The following ZNF609 variants were observed in gnomAD, a reference collection of about 807,000 sequenced individuals.
ZNF609 encodes the protein zinc finger protein 609.
In ZNF609, 11 loss-of-function variants were observed where a neutral mutation model predicts 109.5. The observed-to-expected ratio is 0.10, with a 90% confidence interval of 0.06 to 0.17. ZNF609 has a LOEUF of 0.17. Ranked by LOEUF, ZNF609 falls within the 10% of genes least tolerant of loss-of-function variation. The pLI, the probability that ZNF609 is intolerant of heterozygous loss-of-function variation, is 1.00. For synonymous variants in ZNF609, 646 were observed against 662.0 expected (o/e 0.98, Z 0.37); for missense variants, 1,559 against 1,772.4 (o/e 0.88, Z 2.16).
intron 2 of ZNF609, among the ~76,000 whole-genome samples, chr15:64,556,787 G>C (rs1388078843): frequency 2.0e-5 from 3 of 151,922 alleles, no homozygotes; most frequent in East Asian, 3.9e-4. Context: ...CATTACCTAG[G>C]TTTATTGAGT....
Position 64,499,661 on chromosome 15 carries a change from C to G in ZNF609, c.242C>G (p.Pro81Arg). ...AAGTTTGTGACCCCAGTGCCAGGTC[C>G]TCAAGGGAAGGAAGGCAAATCAAAA... ...NIKFVTPVPG[P>R]QGKEGKSKSK... The change falls in exon 2 of 10, where the codon CCT (proline) becomes CGT (arginine). Residue 81 changes from proline to arginine, a missense_variant. Pro to Arg is a moderately radical substitution (Grantham distance 103). Transcript: ENST00000326648. 6.2e-7 allele frequency: 1 copy of G among 1,614,126 alleles called. No individual in the cohort carries two copies. The highest frequency in any genetic ancestry group is 2.2e-5 in the East Asian group (1 of 44,878).
chr15:64,596,314 C>T (rs546399277), intron 2 of ZNF609, among the ~76,000 whole-genome samples: 32 of 152,126 alleles, frequency 2.1e-4, no homozygotes, highest in African/African-American at 6.7e-4. Flanking sequence ...CCACCATGCC[C>T]GGCTAATTTT....
chr15:64,467,799 C>T (rs781185194), intron 1 of ZNF609, among the ~76,000 whole-genome samples: 14 of 152,116 alleles, frequency 9.2e-5, no homozygotes, highest in Non-Finnish European at 1.9e-4. Context: ...GAGTGGAGAT[C>T]GTGCCACTGC....
At chr15:64,589,867 GA>G (rs1247596541) in intron 2 of ZNF609, among the ~76,000 whole-genome samples, 1 of 152,162 alleles carries the variant, frequency 6.6e-6, no homozygotes, top group Non-Finnish European at 1.5e-5. Context: ...GATTTGGCAG[GA>G]AAAACTCGAT....
chr15:64,483,352 C>G (rs1428177964), intron 1 of ZNF609, among the ~76,000 whole-genome samples: 1 of 152,114 alleles, frequency 6.6e-6, no homozygotes, highest in Non-Finnish European at 1.5e-5. Context: ...CCTCAGCCTC[C>G]CAAAGTGCTG....
At chr15:64,596,550 T>C (rs1301853509) in intron 2 of ZNF609, among the ~76,000 whole-genome samples, 1 of 152,178 alleles carries the variant, frequency 6.6e-6, no homozygotes, top group Non-Finnish European at 1.5e-5. Context: ...CTTCTCATCT[T>C]TTGGGCCTCA....
At chr15:64,574,944 G>T (rs1894925071) in intron 2 of ZNF609, among the ~76,000 whole-genome samples, 1 of 152,192 alleles carries the variant, frequency 6.6e-6, no homozygotes, top group South Asian at 2.1e-4. Context: ...AGCTTGCAGA[G>T]TTGGACTCCT....
Position 64,678,382 on chromosome 15 carries a change from C to T in ZNF609, c.3669C>T (p.Ser1223=), listed in dbSNP as rs368971690. ...CCTCCCCACTTACCCAGCACCAGTCCTACATCCCCTACATGCACGGCTATT... is the reference window on the plus strand; with the variant it reads ...CCTCCCCACTTACCCAGCACCAGTCTTACATCCCCTACATGCACGGCTATT... ...PVSSPLTQHQ[S]YIPYMHGYSY... Residue 1223 remains serine, a synonymous_variant, in exon 6 of 10, where the codon TCC becomes TCT. Coordinates refer to ENST00000326648, the MANE Select transcript of ZNF609 (RefSeq NM_015042.2). 6.2e-7 allele frequency: 1 copy of T among 1,613,898 alleles called. No homozygotes were observed. The highest frequency in any genetic ancestry group is 1.3e-5 in the African/African-American group (1 of 74,902).
intron 5 of ZNF609, 87 bp downstream of exon 5, chr15:64,676,343 T>A: frequency 7.9e-7 from 1 of 1,270,140 alleles, no homozygotes; most frequent in South Asian, 1.7e-5. Flanking sequence ...ATACAGGGGT[T>A]CAACGGAATT....
chr15:64,487,851 G>A (rs1893353612), intron 1 of ZNF609, among the ~76,000 whole-genome samples: 1 of 152,096 alleles, frequency 6.6e-6, no homozygotes, highest in Non-Finnish European at 1.5e-5. Context: ...GGCCAGGCTG[G>A]TCTTGAACTC....
intron 1 of ZNF609, among the ~76,000 whole-genome samples, chr15:64,468,343 G>T (rs1893044123): frequency 6.7e-6 from 1 of 149,342 alleles, no homozygotes; most frequent in South Asian, 2.1e-4. Context: ...TTAAGACAGG[G>T]TCTCACTCTG....
At chr15:64,610,246 TAGTG>T (rs1895695653) in intron 2 of ZNF609, among the ~76,000 whole-genome samples, 1 of 151,996 alleles carries the variant, frequency 6.6e-6, no homozygotes, top group Non-Finnish European at 1.5e-5. Context: ...TCTCACTTAT[TAGTG>T]AGAGCTAAAT....
chr15:64,625,531 A>G (rs896899157), intron 3 of ZNF609, among the ~76,000 whole-genome samples: 1 of 152,030 alleles, frequency 6.6e-6, no homozygotes, highest in African/African-American at 2.4e-5. Context: ...AAAAAGAAAA[A>G]TATATTTGTT....
At chr15:64,671,562 A>G (rs190056527) in intron 4 of ZNF609, among the ~76,000 whole-genome samples, 114 of 152,310 alleles carry the variant, frequency 7.5e-4, no homozygotes, top group Non-Finnish European at 1.4e-3. Flanking sequence ...GGGTTTCACA[A>G]GGACCTTTTC....
intron 1 of ZNF609, among the ~76,000 whole-genome samples, chr15:64,463,740 G>A (rs952169429): frequency 3.3e-5 from 5 of 152,172 alleles, no homozygotes; most frequent in African/African-American, 9.7e-5. Context: ...TATATTTTTT[G>A]ATAACAGAAC....
At chr15:64,492,857 C>T (rs1893432891) in intron 1 of ZNF609, among the ~76,000 whole-genome samples, 1 of 152,174 alleles carries the variant, frequency 6.6e-6, no homozygotes. Flanking sequence ...CTTTTTACTA[C>T]ACCATGCTAC....
intron 3 of ZNF609, among the ~76,000 whole-genome samples, chr15:64,641,219 C>CTTTTTTTTTTTTTTTTTTTTTTT (rs34007985): frequency 2.9e-5 from 2 of 69,736 alleles, no homozygotes; most frequent in African/African-American, 5.3e-5. Context: ...CTTGTGCTTT[C>CTTTTTTTTTTTTTTTTTTTTTTT]TTTTTTTTTT....
chr15:64,576,759 G>T (rs1450723884), intron 2 of ZNF609, among the ~76,000 whole-genome samples: 1 of 146,494 alleles, frequency 6.8e-6, no homozygotes, highest in Non-Finnish European at 1.5e-5. Flanking sequence ...GGAGGTGGAG[G>T]TTGCAGTGAG....
upstream of ZNF609, among the ~76,000 whole-genome samples, chr15:64,459,595 G>A (rs1231813482): frequency 6.6e-6 from 1 of 152,140 alleles, no homozygotes; most frequent in Non-Finnish European, 1.5e-5. Context: ...GAGTGGCACT[G>A]TTGAAGGATG....
Sources: gnomAD v4.1 joint callset for allele counts (sites outside exome capture counted in the v4.1 genomes callset) on GRCh38, gnomAD v4.1.1 for gene constraint, MANE v1.5 for transcripts, NCBI Gene and HGNC (gene_info 2026-07-23, HGNC 2026-07-21) for gene names.